Variants in MTUS1 observed in about 807,000 individuals in gnomAD.
MTUS1 encodes the protein microtubule-associated tumor suppressor 1.
Under a neutral mutation model 120.8 loss-of-function variants are expected in MTUS1, and 109 were observed. The ratio of observed to expected loss-of-function variants is 0.90; its 90% CI spans 0.77 to 1.06. The LOEUF (loss-of-function observed/expected upper bound fraction) is 1.06, where lower values mean the gene tolerates loss of function less well. Among genes scored for constraint, MTUS1 ranks in the 50% least tolerant of loss-of-function variants. The pLI, the probability that MTUS1 is intolerant of heterozygous loss-of-function variation, is 0.00. For synonymous variants in MTUS1, 737 were observed against 550.5 expected (o/e 1.34, Z -4.74); for missense variants, 2,210 against 1,486.3 (o/e 1.49, Z -8.01).
intron 6 of MTUS1, among the ~76,000 whole-genome samples, chr8:17,687,662 C>T (rs1816104734): frequency 6.6e-6 from 1 of 152,170 alleles, no homozygotes; most frequent in Non-Finnish European, 1.5e-5. Flanking sequence ...AAGATAATTA[C>T]CACCATCAGC....
intron 12 of MTUS1, 31 bp from the exon 13 acceptor site, chr8:17,649,993 A>C: frequency 9.2e-7 from 1 of 1,090,568 alleles, no homozygotes; most frequent in African/African-American, 1.5e-5. Flanking sequence ...TACTGCTCTT[A>C]TTCCACATAG....
chr8:17,659,799 G>T (rs1206076092), intron 8 of MTUS1, among the ~76,000 whole-genome samples: 1 of 152,286 alleles, frequency 6.6e-6, no homozygotes, highest in East Asian at 1.9e-4. Context: ...TTACATCGTT[G>T]TGTAAGCTTT....
chr8:17,714,189 T>C (rs568219932), intron 5 of MTUS1, among the ~76,000 whole-genome samples: 2 of 152,290 alleles, frequency 1.3e-5, no homozygotes, highest in African/African-American at 4.8e-5. Flanking sequence ...CCTAGGCAAA[T>C]GACAACCTGC....
chr8:17,711,662 G>A (rs1335776276), intron 6 of MTUS1, among the ~76,000 whole-genome samples: 2 of 152,120 alleles, frequency 1.3e-5, no homozygotes, highest in African/African-American at 4.8e-5. Flanking sequence ...TTTTCTTCAA[G>A]AACTTTTCCT....
rs755996158 is a variant in MTUS1 at position 17,743,773 on chromosome 8, G to C, written c.2118C>G (p.Thr706=). The change falls in exon 3 of 15, where the codon ACC becomes ACG. Residue 706 remains threonine, a synonymous_variant. Coordinates refer to ENST00000693296, the MANE Select transcript of MTUS1 (RefSeq NM_001363059.2). ...FLGSASKTTT[T]SGRNISKPDS... ...CAGGCTTGGATATATTCCTACCTGA[G>C]GTGGTCGTTGTTTTTGAAGCAGAGC... is the stretch of plus-strand genomic sequence containing the variant. 1.9e-6 allele frequency: 3 copies of C among 1,613,958 alleles called. No homozygotes were observed.
chr8:17,729,860 T>G (rs906460198), intron 3 of MTUS1, among the ~76,000 whole-genome samples: 1 of 151,628 alleles, frequency 6.6e-6, no homozygotes, highest in Non-Finnish European at 1.5e-5. Context: ...AATAGACATT[T>G]CTCCTAAGAA....
At chr8:17,781,261 A>G (rs576381307) in intron 1 of MTUS1, among the ~76,000 whole-genome samples, 1 of 152,352 alleles carries the variant, frequency 6.6e-6, no homozygotes, top group South Asian at 2.1e-4. Flanking sequence ...ATTTTGTCTG[A>G]ATTTCCAATC....
In MTUS1 at chr8:17,684,490, T is replaced by C. The variant is rs2979792; in HGVS notation, c.2676A>G (p.Thr892=). ...NPRSLCIQPQ[T]APDALPPEKT... is the part of the protein sequence containing the mutation. ...TCTCAGGGGGCAGCGCATCGGGAGC[T>C]GTCTGTGGCTGGATACATAAGCTTC... is the stretch of plus-strand genomic sequence containing the variant. The change falls in exon 7 of 15, where the codon ACA becomes ACG. Residue 892 remains threonine, a synonymous_variant. Transcript: ENST00000693296. The C allele has an allele frequency of 0.35, 564,906 of 1,613,634 alleles. 103,188 individuals carry two copies. The highest frequency in any genetic ancestry group is 0.44 in the East Asian group (19,543 of 44,866).
At chr8:17,661,788 C>G (rs766044167) in intron 8 of MTUS1, among the ~76,000 whole-genome samples, 2 of 152,134 alleles carry the variant, frequency 1.3e-5, no homozygotes, top group South Asian at 2.1e-4. Flanking sequence ...TCCAAAGCAG[C>G]AGGCCCAGCC....
chr8:17,799,144 T>C (rs1258308176), intron 1 of MTUS1, among the ~76,000 whole-genome samples: 4 of 152,148 alleles, frequency 2.6e-5, no homozygotes, highest in African/African-American at 4.8e-5. Flanking sequence ...ATGGTCAATA[T>C]GTATGAGGAG....
intron 1 of MTUS1, among the ~76,000 whole-genome samples, chr8:17,769,232 CTTTTTT>C (rs35061390): frequency 3.0e-4 from 40 of 131,258 alleles, no homozygotes; most frequent in East Asian, 6.7e-4. Flanking sequence ...GCTTTTATTC[CTTTTTT>C]TTTTTTTTTT....
chr8:17,778,676 G>T (rs1043840001), intron 1 of MTUS1, among the ~76,000 whole-genome samples: 2 of 152,086 alleles, frequency 1.3e-5, no homozygotes, highest in African/African-American at 4.8e-5. Flanking sequence ...AGGTGTGGTG[G>T]TGGGTGCCTG....
intron 8 of MTUS1, among the ~76,000 whole-genome samples, chr8:17,657,298 G>C (rs942673415): frequency 1.3e-5 from 2 of 151,814 alleles, no homozygotes. Context: ...ACCGGGCGCG[G>C]TGGCTCACGC....
chr8:17,684,196 G>A (rs1815238044), intron 7 of MTUS1, 132 bp downstream of exon 7: 5 of 674,102 alleles, frequency 7.4e-6, no homozygotes, highest in Middle Eastern at 4.0e-4. Flanking sequence ...TGACAAAAAT[G>A]TAATGGGATG....
intron 8 of MTUS1, among the ~76,000 whole-genome samples, 153 bp from the exon 9 acceptor site, chr8:17,656,218 G>A (rs993973900): frequency 5.3e-5 from 8 of 152,238 alleles, no homozygotes; most frequent in African/African-American, 9.6e-5. Flanking sequence ...ATAACAGTAT[G>A]GAAGTGAACT....
intron 6 of MTUS1, among the ~76,000 whole-genome samples, chr8:17,689,810 T>C (rs949927339): frequency 6.6e-6 from 1 of 151,804 alleles, no homozygotes; most frequent in Admixed American, 6.6e-5. Context: ...ATTCAATAAA[T>C]GGTGCTGGGA....
chr8:17,733,135 G>A (rs539060727), intron 3 of MTUS1, among the ~76,000 whole-genome samples: 1 of 152,282 alleles, frequency 6.6e-6, no homozygotes, highest in Non-Finnish European at 1.5e-5. Context: ...TGGATCACCT[G>A]AGGTCAGGAG....
At chr8:17,701,494 G>A (rs1372413653) in intron 6 of MTUS1, among the ~76,000 whole-genome samples, 2 of 152,096 alleles carry the variant, frequency 1.3e-5, no homozygotes, top group East Asian at 1.9e-4. Context: ...AAGCAGTAAT[G>A]CTTTTAATTC....
intron 3 of MTUS1, among the ~76,000 whole-genome samples, chr8:17,731,376 T>C (rs1309476628): frequency 6.6e-6 from 1 of 152,196 alleles, no homozygotes; most frequent in Non-Finnish European, 1.5e-5. Flanking sequence ...GAGTACTCCT[T>C]ACCTCATAGG....
Sources: gnomAD v4.1 joint callset for allele counts (sites outside exome capture counted in the v4.1 genomes callset) on GRCh38, gnomAD v4.1.1 for gene constraint, MANE v1.5 for transcripts, NCBI Gene and HGNC (gene_info 2026-07-23, HGNC 2026-07-21) for gene names.